DLC1: variants seen among roughly 807,000 people sequenced by gnomAD.
The protein encoded by DLC1 is DLC1 Rho GTPase activating protein.
In DLC1, 54 loss-of-function variants were observed where a neutral mutation model predicts 140.3. That is an observed-to-expected ratio of 0.38 (90% CI 0.31 to 0.48). The LOEUF (loss-of-function observed/expected upper bound fraction) is 0.48, where lower values mean the gene tolerates loss of function less well. Ranked by LOEUF, DLC1 falls within the 20% of genes least tolerant of loss-of-function variation. The pLI, the probability that DLC1 is intolerant of heterozygous loss-of-function variation, is 0.96. For missense variants in DLC1, 2,536 were observed against 1,907.0 expected (o/e 1.33, Z -6.14); for synonymous variants, 986 against 728.1 (o/e 1.35, Z -5.70).
chr8:13,146,140 T>C (rs1823419943), intron 5 of DLC1, among the ~76,000 whole-genome samples: 1 of 151,946 alleles, frequency 6.6e-6, no homozygotes. Flanking sequence ...CCGGACATAG[T>C]CGTGTGTGCA....
chr8:13,511,532 A>G (rs1294004992), intron 1 of DLC1, among the ~76,000 whole-genome samples: 6 of 152,196 alleles, frequency 3.9e-5, no homozygotes, highest in Non-Finnish European at 7.4e-5. Flanking sequence ...GAACCATAGA[A>G]GTAAACACTG....
chr8:13,381,113 G>GT (rs1836232076), intron 4 of DLC1, among the ~76,000 whole-genome samples: 1 of 152,126 alleles, frequency 6.6e-6, no homozygotes, highest in Non-Finnish European at 1.5e-5. Flanking sequence ...TGTCTAGCTG[G>GT]TAACAAGCCA....
intron 1 of DLC1, among the ~76,000 whole-genome samples, chr8:13,590,880 C>T (rs1480686233): frequency 1.3e-5 from 2 of 151,984 alleles, no homozygotes; most frequent in Admixed American, 1.3e-4. Context: ...AATATGTTTA[C>T]CTTTCTTTTT....
chr8:13,195,842 G>T (rs531605602), intron 5 of DLC1, among the ~76,000 whole-genome samples: 1 of 151,880 alleles, frequency 6.6e-6, no homozygotes, highest in East Asian at 1.9e-4. Context: ...TGGATTTTCG[G>T]AATCATTTAA....
chr8:13,567,317 C>A, intron 1 of DLC1: 1 of 1,551,702 alleles, frequency 6.4e-7, no homozygotes, highest in Non-Finnish European at 8.7e-7. Flanking sequence ...AAACTTCCAA[C>A]AGAAATCACT....
intron 2 of DLC1, among the ~76,000 whole-genome samples, chr8:13,468,807 TCTG>T (rs1800067641): frequency 6.9e-6 from 1 of 144,006 alleles, no homozygotes; most frequent in Admixed American, 7.3e-5. Context: ...CAATTTTATG[TCTG>T]CTTTTTTTTT....
Position 13,499,479 on chromosome 8 carries a change from C to T in DLC1, c.593G>A (p.Ser198Asn). Residue 198 changes from serine (S) to asparagine (N), a missense_variant, in exon 2 of 18, where the codon AGC becomes AAC. By Grantham distance (46) the Ser-to-Asn change is conservative. Coordinates refer to ENST00000276297, the MANE Select transcript of DLC1 (RefSeq NM_182643.3). ...SKSLELCNEI[S>N]LSEIKDAPKV... ...GGGTGCATCTTTTATTTCACTTAAG[C>T]TTATTTCATTGCAAAGCTCCAGGCT... 6.2e-7 allele frequency: 1 copy of T among 1,614,098 alleles called. No individual in the cohort carries two copies. The highest frequency in any genetic ancestry group is 8.5e-7 in the Non-Finnish European group (1 of 1,180,004).
chr8:13,521,105 C>T (rs535339087), intron 1 of DLC1, among the ~76,000 whole-genome samples: 3 of 152,232 alleles, frequency 2.0e-5, no homozygotes, highest in East Asian at 1.9e-4. Context: ...ATTGCAGGGA[C>T]ATGGATGGAG....
chr8:13,172,128 TG>T (rs1825519532), intron 5 of DLC1, among the ~76,000 whole-genome samples: 1 of 152,210 alleles, frequency 6.6e-6, no homozygotes, highest in Admixed American at 6.5e-5. Flanking sequence ...AGATGTCATT[TG>T]GGGGGTAGCT....
chr8:13,327,148 T>C (rs974618298), intron 4 of DLC1, among the ~76,000 whole-genome samples: 4 of 89,538 alleles, frequency 4.5e-5, no homozygotes, highest in African/African-American at 1.7e-4. Flanking sequence ...TTTTTTTTTG[T>C]ATTTTTAGCA....
At chr8:13,401,355 T>C (rs1728313920) in intron 3 of DLC1, 115 bp downstream of exon 3, 1 of 1,338,148 alleles carries the variant, frequency 7.5e-7, no homozygotes, top group African/African-American at 1.5e-5. Context: ...GGTACTGTAC[T>C]GGGGTTACAT....
At chr8:13,310,321 G>C (rs1832624479) in intron 4 of DLC1, among the ~76,000 whole-genome samples, 1 of 152,100 alleles carries the variant, frequency 6.6e-6, no homozygotes, top group Non-Finnish European at 1.5e-5. Flanking sequence ...CTTTTAAAAA[G>C]TGGCTTAATT....
chr8:13,245,037 T>C (rs1419807050), intron 5 of DLC1, among the ~76,000 whole-genome samples: 1 of 152,242 alleles, frequency 6.6e-6, no homozygotes, highest in Non-Finnish European at 1.5e-5. Context: ...GGCAGGAGTA[T>C]CACTTGCTTG....
intron 1 of DLC1, among the ~76,000 whole-genome samples, chr8:13,540,885 G>C (rs1033727189): frequency 3.9e-5 from 6 of 152,164 alleles, no homozygotes; most frequent in Non-Finnish European, 8.8e-5. Flanking sequence ...CAAGACTCTA[G>C]CAAAATTCGT....
chr8:13,592,550 A>C (rs1281271514), intron 1 of DLC1, among the ~76,000 whole-genome samples: 1 of 152,080 alleles, frequency 6.6e-6, no homozygotes, highest in East Asian at 1.9e-4. Context: ...CTTTTTTAAA[A>C]AACTTTAGCT....
In DLC1 at chr8:13,100,400, A is replaced by C. The variant is rs755776236; in HGVS notation, c.1937T>G (p.Leu646Arg). 23 of 1,614,018 alleles carry C rather than the reference A, an allele frequency of 1.4e-5. No individual in the cohort carries two copies. Among genetic ancestry groups the C allele is most frequent in the Non-Finnish European group, 1.9e-5 (22 of 1,180,024 alleles). Reference sequence around the variant, plus strand: ...TTTCATGCTGAAGCTGAAGCTGGACAGTTCCTTGGGAGAGGGCAGGCTGCC... The same window carrying C: ...TTTCATGCTGAAGCTGAAGCTGGACCGTTCCTTGGGAGAGGGCAGGCTGCC... Reference protein sequence around the residue: ...SFGSLPSPKELSSFSFSMKGH... With the variant: ...SFGSLPSPKERSSFSFSMKGH... The change falls in exon 9 of 18, where the codon CTG becomes CGG. Residue 646 changes from leucine to arginine, a missense_variant. Transcript: ENST00000276297.
chr8:13,291,994 T>C (rs1457068449), intron 5 of DLC1, among the ~76,000 whole-genome samples: 3 of 152,110 alleles, frequency 2.0e-5, no homozygotes, highest in Non-Finnish European at 2.9e-5. Flanking sequence ...TTTTCTTTTT[T>C]TTTTTTTTCT....
intron 5 of DLC1, among the ~76,000 whole-genome samples, chr8:13,220,204 A>G (rs964726763): frequency 1.2e-4 from 19 of 152,340 alleles, no homozygotes; most frequent in African/African-American, 4.1e-4. Flanking sequence ...TTTTACCACA[A>G]TAACATTGAG....
intron 2 of DLC1, among the ~76,000 whole-genome samples, chr8:13,461,216 A>T (rs1484134288): frequency 6.6e-6 from 1 of 152,230 alleles, no homozygotes; most frequent in Non-Finnish European, 1.5e-5. Context: ...TCTCAACAGC[A>T]ATGACAGCAA....
Sources: allele counts gnomAD v4.1 joint callset (sites outside exome capture counted in the v4.1 genomes callset), GRCh38; gene constraint gnomAD v4.1.1; transcripts MANE v1.5; gene names NCBI Gene and HGNC (gene_info 2026-07-23, HGNC 2026-07-21).